Variants in LMO7 observed in about 807,000 individuals in gnomAD.
LMO7 encodes the protein LIM domain only protein 7.
LMO7 carries 120 observed loss-of-function variants against 206.5 expected under a neutral mutation model. The ratio of observed to expected loss-of-function variants is 0.58; its 90% CI spans 0.50 to 0.68. LMO7 has a LOEUF of 0.68. Ranked by LOEUF, LMO7 falls within the 30% of genes least tolerant of loss-of-function variation. LMO7 has a pLI of 0.00. For synonymous variants in LMO7, 706 were observed against 681.5 expected (o/e 1.04, Z -0.56); for missense variants, 1,959 against 1,957.9 (o/e 1.00, Z -0.01).
chr13:75,669,435 C>T (rs2039355539), intron 1 of LMO7, among the ~76,000 whole-genome samples: 1 of 152,126 alleles, frequency 6.6e-6, no homozygotes, highest in Non-Finnish European at 1.5e-5. Context: ...TGGCCTAGAG[C>T]AATCTCAGAG....
chr13:75,735,349 C>T (rs1234311266), intron 3 of LMO7, among the ~76,000 whole-genome samples: 1 of 151,606 alleles, frequency 6.6e-6, no homozygotes, highest in African/African-American at 2.4e-5. Flanking sequence ...TTGGTGGGTT[C>T]TGTGTGTATT....
intron 2 of LMO7, among the ~76,000 whole-genome samples, chr13:75,624,930 T>G: frequency 6.6e-6 from 1 of 152,216 alleles, no homozygotes; most frequent in East Asian, 1.9e-4. Context: ...TTCTAGAGTC[T>G]GAGTTGTAGT....
intron 3 of LMO7, among the ~76,000 whole-genome samples, chr13:75,742,652 G>A (rs1339441209): frequency 2.6e-5 from 4 of 152,190 alleles, no homozygotes; most frequent in African/African-American, 9.7e-5. Flanking sequence ...AATAGTGCTG[G>A]TATAACTGGC....
At chr13:75,748,709 A>G (rs2047045528) in intron 3 of LMO7, among the ~76,000 whole-genome samples, 1 of 152,148 alleles carries the variant, frequency 6.6e-6, no homozygotes. Flanking sequence ...TCATAGGAGG[A>G]AGATGAGATT....
upstream of LMO7, chr13:75,635,729 G>C (rs2035717192): frequency 6.6e-6 from 1 of 152,116 alleles, no homozygotes; most frequent in African/African-American, 2.4e-5. Flanking sequence ...ACTCCGCCGG[G>C]GGGAAGCGGC....
intron 29 of LMO7, 99 bp downstream of exon 29, chr13:75,855,467 A>G: frequency 3.0e-6 from 2 of 667,740 alleles, no homozygotes; most frequent in East Asian, 5.6e-5. Context: ...CTAACAAGCT[A>G]GGTGCTGTAT....
upstream of LMO7, among the ~76,000 whole-genome samples, chr13:75,633,204 T>TTTCCATTTTCTTTCATCA (rs2035227224): frequency 6.6e-6 from 1 of 152,170 alleles, no homozygotes; most frequent in African/African-American, 2.4e-5. Flanking sequence ...GAGAAATATC[T>TTTCCATTTTCTTTCATCA]TTCCATTTTC....
chr13:75,734,184 C>T (rs759282107), intron 3 of LMO7, among the ~76,000 whole-genome samples: 2 of 152,170 alleles, frequency 1.3e-5, no homozygotes, highest in Admixed American at 6.5e-5. Context: ...TTCTAGCTTT[C>T]AAATCAGGAT....
At chr13:75,706,373 G>A (rs933165269) in intron 1 of LMO7, among the ~76,000 whole-genome samples, 10 of 152,108 alleles carry the variant, frequency 6.6e-5, no homozygotes, top group African/African-American at 1.4e-4. Context: ...TTATTTTAGG[G>A]GGAGTCTTAG....
intron 1 of LMO7, among the ~76,000 whole-genome samples, chr13:75,649,324 G>T (rs1230138660): frequency 3.3e-5 from 5 of 152,182 alleles, no homozygotes; most frequent in African/African-American, 9.7e-5. Flanking sequence ...CTGTTAGGAG[G>T]ACAGGAAGAG....
chr13:75,728,216 A>T (rs376640171), intron 3 of LMO7, among the ~76,000 whole-genome samples: 11 of 152,156 alleles, frequency 7.2e-5, no homozygotes, highest in East Asian at 3.9e-4. Context: ...TCCACAATGG[A>T]TGAACTAGTT....
chr13:75,759,517 A>G (rs1298081909), intron 3 of LMO7, among the ~76,000 whole-genome samples: 1 of 152,122 alleles, frequency 6.6e-6, no homozygotes, highest in African/African-American at 2.4e-5. Flanking sequence ...CAAAATAAAC[A>G]CCTTTCATTG....
At chr13:75,643,089 A>G (rs866350988) in intron 1 of LMO7, among the ~76,000 whole-genome samples, 1 of 152,202 alleles carries the variant, frequency 6.6e-6, no homozygotes, top group Non-Finnish European at 1.5e-5. Context: ...GGTGTCCTGG[A>G]TTGGACCCCA....
chr13:75,789,962 G>T (rs2140557779), intron 4 of LMO7, among the ~76,000 whole-genome samples: 1 of 152,238 alleles, frequency 6.6e-6, no homozygotes, highest in African/African-American at 2.4e-5. Context: ...GCAGGCCCTG[G>T]TAAACCAAGG....
At chr13:75,763,678 C>T (rs1157722091) in intron 4 of LMO7, among the ~76,000 whole-genome samples, 1 of 152,110 alleles carries the variant, frequency 6.6e-6, no homozygotes, top group Non-Finnish European at 1.5e-5. Flanking sequence ...GTTGGCCTTG[C>T]TGCAAACTCA....
intron 1 of LMO7, among the ~76,000 whole-genome samples, chr13:75,667,817 A>G (rs1258577006): frequency 2.0e-5 from 3 of 152,168 alleles, no homozygotes; most frequent in Non-Finnish European, 4.4e-5. Flanking sequence ...TTTTATGTCA[A>G]GCAATTTGGA....
intron 1 of LMO7, among the ~76,000 whole-genome samples, chr13:75,695,844 ATCT>A (rs2041856953): frequency 6.6e-6 from 1 of 152,216 alleles, no homozygotes; most frequent in Non-Finnish European, 1.5e-5. Flanking sequence ...TTATATAAAA[ATCT>A]TCTTCATTTT....
chr13:75,621,194 GT>G (rs1225879028), exon 1 of LMO7: 1 of 152,164 alleles, frequency 6.6e-6, no homozygotes, highest in Non-Finnish European at 1.5e-5. Flanking sequence ...CTCAAAGATT[GT>G]TTCATAAATC....
At chr13:75,658,327 AT>A (rs202029797) in intron 1 of LMO7, among the ~76,000 whole-genome samples, 11 of 151,750 alleles carry the variant, frequency 7.2e-5, no homozygotes, top group South Asian at 2.1e-4. Context: ...TTTAGAATTA[AT>A]TTTTTTTCAA....
Sources: gnomAD v4.1 joint callset for allele counts (sites outside exome capture counted in the v4.1 genomes callset) on GRCh38, gnomAD v4.1.1 for gene constraint, MANE v1.5 for transcripts, NCBI Gene and HGNC (gene_info 2026-07-23, HGNC 2026-07-21) for gene names.